Variants in MAPKBP1 observed in about 807,000 individuals in gnomAD.
MAPKBP1 encodes the protein mitogen-activated protein kinase-binding protein 1.
Under a neutral mutation model 170.5 loss-of-function variants are expected in MAPKBP1, and 71 were observed. The observed-to-expected ratio is 0.42, with a 90% CI of 0.34 to 0.51. The LOEUF (loss-of-function observed/expected upper bound fraction) is 0.51, where lower values mean the gene tolerates loss of function less well. Ranked by LOEUF, MAPKBP1 falls within the 20% of genes least tolerant of loss-of-function variation. The probability of loss-of-function intolerance (pLI) is 0.06; values close to 1 mark genes in which losing one functional copy is unlikely to be tolerated. For missense variants in MAPKBP1, 1,598 were observed against 1,933.0 expected, an observed-to-expected ratio of 0.83 and a Z score of 3.25; for synonymous variants, 719 against 757.9, an observed-to-expected ratio of 0.95 and a Z score of 0.84.
At position 41,814,617 on chromosome 15, in the gene MAPKBP1, A is replaced by G. The variant is rs760419049; in HGVS notation, c.1048A>G (p.Asn350Asp). 6.2e-7 allele frequency: 1 copy of G among 1,614,020 alleles called. No homozygotes were observed. Among genetic ancestry groups the G allele is most frequent in the Admixed American group, 1.7e-5 (1 of 60,012 alleles). ...DTIALTFDPT[N>D]QWLSCVYNDH... ...CATTGCCTTGACCTTTGATCCTACT[A>G]ATCAGTGGCTGTCTTGTGTGTACAA... is the stretch of plus-strand genomic sequence containing the variant. The change falls in exon 10 of 31, where the codon AAT becomes GAT. Residue 350 changes from asparagine to aspartate, a missense_variant. By Grantham distance (23) the Asn-to-Asp change is conservative (BLOSUM62 1). Coordinates refer to ENST00000457542, the MANE Select transcript of MAPKBP1 (RefSeq NM_014994.3).
chr15:41,775,098 T>G, intron 1 of MAPKBP1, 69 bp from the exon 2 acceptor site: 1 of 601,214 alleles, frequency 1.7e-6, no homozygotes, highest in Non-Finnish European at 3.0e-6. Context: ...TACCCAGAGG[T>G]AAAAGCTGCA....
chr15:41,818,479 T>A lies in MAPKBP1; in HGVS notation c.2093-40T>A, dbSNP rs760717802. ...GGGATGGAGAGGACTTGGTTGGGAATTTAAGGTGGCTTATAGACCGTATTC... is the reference window on the plus strand; with the variant it reads ...GGGATGGAGAGGACTTGGTTGGGAAATTAAGGTGGCTTATAGACCGTATTC... On this transcript the variant is annotated intron_variant, in intron 18 of 30. Transcript: ENST00000457542. This position sits in a 1 kb window ranked among gnomAD's most constrained non-coding sequence, Gnocchi z 5.2. 14 of 1,594,050 alleles carry A rather than the reference T, an allele frequency of 8.8e-6. No homozygotes were observed. Among genetic ancestry groups the A allele is most frequent in the Non-Finnish European group, 1.1e-5 (13 of 1,166,404 alleles).
At chr15:41,782,432 C>T (rs1423570543) in intron 2 of MAPKBP1, among the ~76,000 whole-genome samples, 1 of 152,140 alleles carries the variant, frequency 6.6e-6, no homozygotes, top group Non-Finnish European at 1.5e-5. Flanking sequence ...CGAATGTTGT[C>T]ATCAGGGTGG....
chr15:41,784,811 G>A (rs1323219217), intron 2 of MAPKBP1, among the ~76,000 whole-genome samples: 1 of 149,202 alleles, frequency 6.7e-6, no homozygotes, highest in Non-Finnish European at 1.5e-5. Context: ...AATTAGCTGG[G>A]ACTTTGGGAG....
intron 2 of MAPKBP1, among the ~76,000 whole-genome samples, chr15:41,777,232 T>G (rs1329546699): frequency 6.6e-6 from 1 of 151,554 alleles, no homozygotes; most frequent in African/African-American, 2.4e-5. Context: ...TCCCAGCTAC[T>G]CGGGAGGCTG....
rs553344420 is a variant in MAPKBP1, at chr15:41,776,526, A to G, written c.114+1137A>G. Among the ~76,000 whole-genome samples the G allele has an allele frequency of 3.9e-5, 6 of 152,340 alleles. No individual in the cohort carries two copies. In the East Asian group the frequency reaches 1.2e-3, roughly 29 times the overall value. On this transcript the variant is annotated intron_variant, in intron 2 of 30. Coordinates refer to ENST00000457542, the MANE Select transcript of MAPKBP1 (RefSeq NM_014994.3). Reference sequence around the variant, plus strand: ...TGATGGTGGACATTGTGACCCTTCCAAGGTCTCTTATTCATCATTGTTTCT... The same window carrying G: ...TGATGGTGGACATTGTGACCCTTCCGAGGTCTCTTATTCATCATTGTTTCT...
intron 2 of MAPKBP1, among the ~76,000 whole-genome samples, chr15:41,780,857 T>C (rs1174053071): frequency 2.6e-5 from 4 of 152,136 alleles, no homozygotes; most frequent in Non-Finnish European, 5.9e-5. Flanking sequence ...TATTTTTGAA[T>C]GTCCAGATTT....
chr15:41,774,532 C>T lies in MAPKBP1; in HGVS notation c.-188C>T, dbSNP rs777539437. The stretch of plus-strand genomic sequence containing the variant: ...CCTGCTGCTGCCTCTACCGCTGCGG[C>T]TACCGCGGCGGAGCTGAAATTGCCG... On this transcript the variant is annotated 5_prime_UTR_variant, in exon 1 of 31. Coordinates refer to ENST00000457542, the MANE Select transcript of MAPKBP1 (RefSeq NM_014994.3). 3.8e-5 allele frequency: 15 copies of T among 398,520 alleles called. No individual in the cohort carries two copies. Among genetic ancestry groups the T allele is most frequent in the Non-Finnish European group, 5.3e-5 (12 of 226,064 alleles). 24.7% of individuals were successfully genotyped at this position (398,520 alleles called of 1,614,324 possible).
intron 2 of MAPKBP1, among the ~76,000 whole-genome samples, chr15:41,783,705 C>T (rs545091095): frequency 3.2e-4 from 49 of 152,246 alleles, no homozygotes; most frequent in Admixed American, 2.0e-3. Context: ...CAGTTGTGGG[C>T]GCGTAGCTGG....
intron 30 of MAPKBP1, 26 bp from the exon 31 acceptor site, chr15:41,825,183 C>T (rs952880506): frequency 9.7e-6 from 15 of 1,551,060 alleles, no homozygotes; most frequent in African/African-American, 8.2e-5. Flanking sequence ...GGCTCCTCCA[C>T]CTCACTTCTG....
intron 12 of MAPKBP1, chr15:41,816,332 AC>A: frequency 1.8e-6 from 1 of 556,976 alleles, no homozygotes; most frequent in Non-Finnish European, 3.2e-6. Flanking sequence ...TATTATACCA[AC>A]ATAAATTTCC....
intron 3 of MAPKBP1, among the ~76,000 whole-genome samples, chr15:41,802,560 G>A (rs1046133022): frequency 1.3e-5 from 2 of 152,128 alleles, no homozygotes; most frequent in African/African-American, 4.8e-5. Context: ...TGCAACCTCT[G>A]CCTCCTGGGT....
chr15:41,815,786 A>T lies in MAPKBP1; in HGVS notation c.1480A>T (p.Met494Leu), dbSNP rs2064880685. 4.3e-6 allele frequency: 7 copies of T among 1,613,848 alleles called. No homozygotes were observed. Among genetic ancestry groups the T allele is most frequent in the Non-Finnish European group, 5.9e-6 (7 of 1,179,754 alleles). Residue 494 changes from methionine to leucine, a missense_variant, in exon 12 of 31, where the codon ATG (methionine) becomes TTG (leucine). By Grantham distance (15) the Met-to-Leu change is conservative. Coordinates refer to ENST00000457542, the MANE Select transcript of MAPKBP1 (RefSeq NM_014994.3). The part of the protein sequence containing the change: ...NGQHLASGDR[M>L]GTLRVHELQS... ...ACAGCATCTAGCATCAGGGGACCGTATGGGCACACTTAGGTAATGCCAGGC... is the reference window on the plus strand; with the variant it reads ...ACAGCATCTAGCATCAGGGGACCGTTTGGGCACACTTAGGTAATGCCAGGC...
chr15:41,812,826 G>T (rs979340665), intron 7 of MAPKBP1, 93 bp from the exon 8 acceptor site: 65 of 1,475,898 alleles, frequency 4.4e-5, no homozygotes, highest in Admixed American at 1.2e-4. Context: ...GAGCAAGGAG[G>T]TGCTGGAGGC....
At chr15:41,813,521 T>TG (rs2064839708) in intron 8 of MAPKBP1, 100 bp from the exon 9 acceptor site, 4 of 1,519,780 alleles carry the variant, frequency 2.6e-6, no homozygotes, top group Admixed American at 1.8e-5. Context: ...GCCCCTGCCT[T>TG]GGCCGGTCCC....
At chr15:41,788,443 T>C (rs1402930696) in intron 2 of MAPKBP1, among the ~76,000 whole-genome samples, 1 of 152,170 alleles carries the variant, frequency 6.6e-6, no homozygotes, top group African/African-American at 2.4e-5. Context: ...TTTACAAGGT[T>C]CTAAGCAGTG....
chr15:41,801,640 G>T (rs574326522), intron 3 of MAPKBP1, among the ~76,000 whole-genome samples: 2 of 152,292 alleles, frequency 1.3e-5, no homozygotes, highest in Admixed American at 1.3e-4. Flanking sequence ...TTGAGGTCAG[G>T]AGTTGGAGAC....
chr15:41,788,093 G>A lies in MAPKBP1; in HGVS notation c.115-11730G>A, dbSNP rs541806778. Among the ~76,000 whole-genome samples the A allele has an allele frequency of 2.3e-3, 355 of 152,090 alleles. 1 individual carries two copies. Among genetic ancestry groups the A allele is most frequent in the Non-Finnish European group, 4.1e-3 (277 of 68,002 alleles). ...TTGCCTCAGCCTCCCAAGTAGCTGCGATTACAGGCACGTACCACCATGCCC... is the reference window on the plus strand; with the variant it reads ...TTGCCTCAGCCTCCCAAGTAGCTGCAATTACAGGCACGTACCACCATGCCC... On this transcript the variant is annotated intron_variant, in intron 2 of 30. Coordinates refer to ENST00000457542, the MANE Select transcript of MAPKBP1 (RefSeq NM_014994.3).
At chr15:41,821,921 C>T in intron 24 of MAPKBP1, 44 bp from the exon 25 acceptor site, 1 of 1,599,316 alleles carries the variant, frequency 6.3e-7, no homozygotes, top group African/African-American at 1.3e-5. Flanking sequence ...CTGCTGCCTA[C>T]CCCTGCTCAC....
Sources: allele counts gnomAD v4.1 joint callset (sites outside exome capture counted in the v4.1 genomes callset), GRCh38; gene constraint gnomAD v4.1.1; non-coding constraint Gnocchi (gnomAD v3.1); transcripts MANE v1.5; gene names NCBI Gene and HGNC (gene_info 2026-07-23, HGNC 2026-07-21).